PPP2R2A: variants seen among roughly 807,000 people sequenced by gnomAD.
The protein encoded by PPP2R2A is protein phosphatase 2 regulatory subunit Balpha, also known as serine/threonine-protein phosphatase 2A 55 kDa regulatory subunit B alpha isoform.
Under a neutral mutation model 53.2 loss-of-function variants are expected in PPP2R2A, and 9 were observed. The observed-to-expected ratio is 0.17, with a 90% CI of 0.10 to 0.30. The LOEUF is 0.30. Ranked by LOEUF, PPP2R2A falls within the 10% of genes least tolerant of loss-of-function variation. The probability of loss-of-function intolerance (pLI) is 1.00; values close to 1 mark genes in which losing one functional copy is unlikely to be tolerated. For synonymous variants in PPP2R2A, 169 were observed against 174.2 expected, an observed-to-expected ratio of 0.97 and a Z score of 0.23; for missense variants, 235 against 534.6, an observed-to-expected ratio of 0.44 and a Z score of 5.53.
intron 3 of PPP2R2A, among the ~76,000 whole-genome samples, chr8:26,351,458 G>A (rs1204910121): frequency 6.6e-6 from 1 of 152,204 alleles, no homozygotes; most frequent in Non-Finnish European, 1.5e-5. Flanking sequence ...TTCAGTGTGT[G>A]CCTAGTGCTC....
At position 26,354,892 on chromosome 8, in the gene PPP2R2A, A is replaced by G. The variant is rs577291388; in HGVS notation, c.346+259A>G. ...GCTGCTATACCATTGGATTTAGGTC[A>G]GGTAATATTTCTGTCATTTCTCAGT... On this transcript the variant is annotated intron_variant, in intron 4 of 9. Coordinates refer to ENST00000380737, the MANE Select transcript of PPP2R2A (RefSeq NM_002717.4). The surrounding 1 kb of genome is among the most constrained non-coding windows in gnomAD (Gnocchi z 4.6). Among the ~76,000 whole-genome samples the G allele has an allele frequency of 1.3e-5, 2 of 152,306 alleles. No individual in the cohort carries two copies. Among genetic ancestry groups the G allele is most frequent in the African/African-American group, 4.8e-5 (2 of 41,580 alleles).
intron 2 of PPP2R2A, among the ~76,000 whole-genome samples, chr8:26,314,896 C>T (rs1008515942): frequency 6.9e-6 from 1 of 145,500 alleles, no homozygotes; most frequent in Admixed American, 6.9e-5. Flanking sequence ...CTTCCCCCCC[C>T]CCCCCCCAAC....
At chr8:26,324,472 C>G (rs1802989472) in intron 2 of PPP2R2A, among the ~76,000 whole-genome samples, 1 of 152,204 alleles carries the variant, frequency 6.6e-6, no homozygotes, top group African/African-American at 2.4e-5. Context: ...AAGTCAAGAA[C>G]TGAGGTTTGG....
At chr8:26,293,410 A>T in intron 1 of PPP2R2A, 1 of 821,406 alleles carries the variant, frequency 1.2e-6, no homozygotes, top group Non-Finnish European at 1.9e-6. Flanking sequence ...ATTTGACAGG[A>T]AGTTTGTGAA....
chr8:26,343,499 G>A (rs1235000083), intron 3 of PPP2R2A, among the ~76,000 whole-genome samples: 1 of 151,664 alleles, frequency 6.6e-6, no homozygotes, highest in Non-Finnish European at 1.5e-5. Context: ...AGCCTCCTGA[G>A]TAGCTGGGAC....
At position 26,370,662 on chromosome 8, in the gene PPP2R2A, A is replaced by G. The variant is rs1805626552; in HGVS notation, c.*249A>G. 2 of 518,274 alleles carry G rather than the reference A, an allele frequency of 3.9e-6. No individual in the cohort carries two copies. Among genetic ancestry groups the G allele is most frequent in the African/African-American group, 1.9e-5 (1 of 52,474 alleles). 32.1% of individuals were successfully genotyped at this position (518,274 alleles called of 1,614,324 possible). ...TTTAATTTAAATGACTTCTTGCACC[A>G]TCTTGCCTAATGGACTAGATTGGAC... is the stretch of plus-strand genomic sequence containing the variant. On this transcript the variant is annotated 3_prime_UTR_variant, in exon 10 of 10. Coordinates refer to ENST00000380737, the MANE Select transcript of PPP2R2A (RefSeq NM_002717.4). This position sits in a 1 kb window ranked among gnomAD's most constrained non-coding sequence, Gnocchi z 6.1.
rs1805046708 is a variant in PPP2R2A at position 26,360,854 on chromosome 8, T to A, written c.460-120T>A. The stretch of plus-strand genomic sequence containing the variant: ...ATCAGTTGCTTTTTAAAACTAAATC[T>A]ATGTAATATTGTTCTATTTTATGTT... On this transcript the variant is annotated intron_variant, in intron 5 of 9. Coordinates refer to ENST00000380737, the MANE Select transcript of PPP2R2A (RefSeq NM_002717.4). This position sits in a 1 kb window ranked among gnomAD's most constrained non-coding sequence, Gnocchi z 4.5. 1.1e-6 allele frequency: 1 copy of A among 919,124 alleles called. No individual in the cohort carries two copies. The highest frequency in any genetic ancestry group is 3.0e-5 in the East Asian group (1 of 33,526). The allele number at this position is 919,124 out of a possible 1,614,324, so 56.9% of individuals were successfully genotyped here.
At chr8:26,369,181 C>T (rs911599560) in intron 9 of PPP2R2A, among the ~76,000 whole-genome samples, 2 of 151,858 alleles carry the variant, frequency 1.3e-5, no homozygotes, top group African/African-American at 2.4e-5. Context: ...CAGATTATAA[C>T]ATAAGCATTT....
intron 4 of PPP2R2A, among the ~76,000 whole-genome samples, chr8:26,355,751 G>C (rs989041699): frequency 9.9e-5 from 15 of 152,030 alleles, no homozygotes; most frequent in African/African-American, 3.6e-4. Context: ...TGTAGTTCCA[G>C]CTACTGGGGC....
In PPP2R2A at chr8:26,291,551, C is replaced by T. The variant is rs1278869798; in HGVS notation, c.-269C>T. 5.7e-6 allele frequency: 3 copies of T among 526,020 alleles called. No individual in the cohort carries two copies. Among genetic ancestry groups the T allele is most frequent in the Admixed American group, 3.7e-5 (1 of 27,008 alleles). 32.6% of individuals were successfully genotyped at this position (526,020 alleles called of 1,614,324 possible). ...TTGAAAGTGGAGTCGCCTGCCCCTG[C>T]CGCTGCCGCCGCCGCCGTCGCTGTC... On this transcript the variant is annotated 5_prime_UTR_variant, in exon 1 of 10. Transcript: ENST00000380737.
rs1805238630 is a variant in PPP2R2A, at chr8:26,363,848, T to G, written c.930T>G (p.Ile310Met). The stretch of plus-strand genomic sequence containing the variant: ...CTAGAGACTATTTGTCAGTCAAAAT[T>G]TGGGACTTAAATATGGAAAACAGGC... ...MMTRDYLSVKIWDLNMENRPV... is the reference protein window; with the variant it reads ...MMTRDYLSVKMWDLNMENRPV... Residue 310 changes from isoleucine (I) to methionine (M), a missense_variant, in exon 8 of 10, where the codon ATT becomes ATG. Physicochemically the swap from Ile to Met is conservative, Grantham distance 10. This residue lies in a region of PPP2R2A where 181 missense variants were observed against 409.9 expected (regional missense o/e 0.44). Coordinates refer to ENST00000380737, the MANE Select transcript of PPP2R2A (RefSeq NM_002717.4). The G allele has an allele frequency of 6.2e-7, 1 of 1,603,716 alleles. No individual in the cohort carries two copies.
intron 2 of PPP2R2A, among the ~76,000 whole-genome samples, chr8:26,305,923 TC>T (rs1273530171): frequency 6.6e-6 from 1 of 152,200 alleles, no homozygotes; most frequent in African/African-American, 2.4e-5. Flanking sequence ...TTTACTGCTT[TC>T]AAATGGTCGT....
chr8:26,350,402 T>A (rs768139451), intron 3 of PPP2R2A, among the ~76,000 whole-genome samples: 6 of 152,034 alleles, frequency 3.9e-5, no homozygotes, highest in Non-Finnish European at 7.4e-5. Flanking sequence ...ATTGAGTAGT[T>A]GTTGTGTTGT....
At chr8:26,291,888 AC>A (rs1044936233) in intron 1 of PPP2R2A, 62 bp downstream of exon 1, 35 of 1,368,174 alleles carry the variant, frequency 2.6e-5, no homozygotes, top group South Asian at 3.6e-5. Context: ...TCCCTCCATC[AC>A]CCCCTAGCGA....
intron 2 of PPP2R2A, among the ~76,000 whole-genome samples, chr8:26,335,106 C>T (rs1043578641): frequency 6.6e-6 from 1 of 152,228 alleles, no homozygotes; most frequent in Non-Finnish European, 1.5e-5. Context: ...ATACCCCATT[C>T]TTGGCATGCC....
In PPP2R2A at chr8:26,300,689, A is replaced by G. The variant is rs1401614406; in HGVS notation, c.82+6949A>G. ...GCCAATATGGTGAAACACTGTCTCT[A>G]CTAAAAATACAAAAATTAGCCGGGT... On this transcript the variant is annotated intron_variant, in intron 2 of 9. Coordinates refer to ENST00000380737, the MANE Select transcript of PPP2R2A (RefSeq NM_002717.4). 2.0e-5 allele frequency among the ~76,000 whole-genome samples: 3 copies of G among 152,278 alleles called. No individual in the cohort carries two copies. In the East Asian group the frequency reaches 5.8e-4, roughly 29 times the overall value.
At chr8:26,300,135 TGAGA>T (rs1432399972) in intron 2 of PPP2R2A, among the ~76,000 whole-genome samples, 1 of 152,312 alleles carries the variant, frequency 6.6e-6, no homozygotes, top group East Asian at 1.9e-4. Context: ...CAAAAAATTA[TGAGA>T]GAGAATGGCC....
intron 2 of PPP2R2A, among the ~76,000 whole-genome samples, chr8:26,324,973 A>G (rs942867340): frequency 6.0e-5 from 9 of 150,318 alleles, no homozygotes; most frequent in Non-Finnish European, 8.9e-5. Context: ...TGGAATGGCT[A>G]TATTTACTCA....
At position 26,291,840 on chromosome 8, in the gene PPP2R2A, C is replaced by A; in HGVS notation, c.7+14C>A. 1 of 1,608,558 alleles carries A rather than the reference C, an allele frequency of 6.2e-7. No individual in the cohort carries two copies. Among genetic ancestry groups the A allele is most frequent in the Non-Finnish European group, 8.5e-7 (1 of 1,177,872 alleles). On this transcript the variant is annotated intron_variant, in intron 1 of 9. Coordinates refer to ENST00000380737, the MANE Select transcript of PPP2R2A (RefSeq NM_002717.4). ...GCAACATGGCAGGTAAAGGAGAAAT[C>A]CCCCTCGCCCCCTGACAAGGCACCG...
Sources: allele counts gnomAD v4.1 joint callset (sites outside exome capture counted in the v4.1 genomes callset), GRCh38; gene constraint gnomAD v4.1.1; regional missense constraint gnomAD v4.1.1; non-coding constraint Gnocchi (gnomAD v3.1); transcripts MANE v1.5; gene names NCBI Gene and HGNC (gene_info 2026-07-23, HGNC 2026-07-21).